The following RBFOX3 variants were observed in gnomAD, a reference collection of about 807,000 sequenced individuals.
The protein encoded by RBFOX3 is RNA binding fox-1 homolog 3.
RBFOX3 carries 17 observed loss-of-function variants against 48.7 expected under a neutral mutation model. The ratio of observed to expected loss-of-function variants is 0.35; its 90% CI spans 0.24 to 0.52. The LOEUF is 0.52. Among genes scored for constraint, RBFOX3 ranks in the 20% least tolerant of loss-of-function variants. The pLI, the probability that RBFOX3 is intolerant of heterozygous loss-of-function variation, is 0.94. For synonymous variants in RBFOX3, 212 were observed against 209.5 expected, an observed-to-expected ratio of 1.01 and a Z score of -0.10; for missense variants, 382 against 497.5, an observed-to-expected ratio of 0.77 and a Z score of 2.21.
At chr17:79,278,078 A>G (rs2069339271) in intron 3 of RBFOX3, among the ~76,000 whole-genome samples, 1 of 152,190 alleles carries the variant, frequency 6.6e-6, no homozygotes, top group South Asian at 2.1e-4. Context: ...AACATTTCAG[A>G]GGTGTGTGGT....
Position 79,603,783 on chromosome 17 carries a change from T to C in RBFOX3, c.-320+7043A>G, listed in dbSNP as rs1232514027. On this transcript the variant is annotated intron_variant, in intron 1 of 14. Coordinates refer to ENST00000693108, the MANE Select transcript of RBFOX3 (RefSeq NM_001350451.2). ...CACCACATCAGCGGCTTTACATAGA[T>C]CGCCTGATCCACGCAGCAGTCCCTG... 2.6e-5 allele frequency: 4 copies of C among 152,190 alleles called. 1 individual carries two copies. The highest frequency in any genetic ancestry group is 9.7e-5 in the African/African-American group (4 of 41,448). 9.4% of individuals were successfully genotyped at this position (152,190 alleles called of 1,614,324 possible). A position where few individuals can be genotyped will look rare whatever the true frequency, so the allele number is the denominator to read the frequency against.
At chr17:79,649,937 A>C in the RBFOX3 span, among the ~76,000 whole-genome samples, 5 of 152,068 alleles carry the variant, frequency 3.3e-5, no homozygotes, top group African/African-American at 1.2e-4. Flanking sequence ...ATCTCACAGT[A>C]ACTCACTCAC....
At chr17:79,582,898 G>A (rs2093124462) in intron 1 of RBFOX3, among the ~76,000 whole-genome samples, 1 of 151,812 alleles carries the variant, frequency 6.6e-6, no homozygotes, top group South Asian at 2.1e-4. Flanking sequence ...TCGTTCCTGA[G>A]GGCCTCGTTC....
At chr17:79,648,771 C>T in the RBFOX3 span, among the ~76,000 whole-genome samples, 2 of 152,258 alleles carry the variant, frequency 1.3e-5, no homozygotes, top group South Asian at 4.1e-4. Flanking sequence ...CCCAGCCTCC[C>T]TTGCAGGATG....
In RBFOX3 at chr17:79,130,064, G is replaced by A. The variant is rs528339672; in HGVS notation, c.-33-14316C>T. Among the ~76,000 whole-genome samples the A allele has an allele frequency of 1.6e-4, 25 of 152,264 alleles. No homozygotes were observed. The South Asian group carries it at 5.2e-3, about 32-fold the overall frequency. Reference sequence around the variant, plus strand: ...GGGGAAAGGCTCAGGAGGTGCCCAGGCCTGGAGCAGGAATGCACCTGAGTG... The same window carrying A: ...GGGGAAAGGCTCAGGAGGTGCCCAGACCTGGAGCAGGAATGCACCTGAGTG... On this transcript the variant is annotated intron_variant, in intron 4 of 14. Transcript: ENST00000693108.
At chr17:79,130,869 G>A (rs557936665) in intron 4 of RBFOX3, among the ~76,000 whole-genome samples, 47 of 152,398 alleles carry the variant, frequency 3.1e-4, no homozygotes, top group African/African-American at 9.4e-4. Flanking sequence ...CCTCAAAGCC[G>A]AAGCACAAAT....
chr17:79,253,319 T>C (rs1366227052), intron 3 of RBFOX3, among the ~76,000 whole-genome samples: 2 of 152,082 alleles, frequency 1.3e-5, no homozygotes, highest in Non-Finnish European at 2.9e-5. Context: ...TTTAATTATA[T>C]TCACTTAACA....
At chr17:79,356,239 A>G (rs2084955145) in intron 2 of RBFOX3, among the ~76,000 whole-genome samples, 1 of 149,512 alleles carries the variant, frequency 6.7e-6, no homozygotes, top group Admixed American at 6.6e-5. Flanking sequence ...ATACTTGCAG[A>G]CCCTCCTGCA....
chr17:79,171,021 C>G (rs145984841), intron 4 of RBFOX3, among the ~76,000 whole-genome samples: 72 of 152,338 alleles, frequency 4.7e-4, no homozygotes, highest in African/African-American at 1.6e-3. Flanking sequence ...CTGCCTAGGT[C>G]TCCGGTGGAG....
At chr17:79,504,626 C>T (rs1598970041) in intron 1 of RBFOX3, among the ~76,000 whole-genome samples, 1 of 152,318 alleles carries the variant, frequency 6.6e-6, no homozygotes, top group East Asian at 1.9e-4. Flanking sequence ...TCTGTGGTCA[C>T]ATGGCCTTCT....
At chr17:79,319,869 C>CT (rs1466454663) in intron 2 of RBFOX3, among the ~76,000 whole-genome samples, 1 of 38,490 alleles carries the variant, frequency 2.6e-5, no homozygotes, top group Non-Finnish European at 5.5e-5. Flanking sequence ...GGCTGCTGGT[C>CT]CTGTCTGGGC....
intron 1 of RBFOX3, among the ~76,000 whole-genome samples, chr17:79,581,325 C>T (rs968068237): frequency 2.6e-5 from 4 of 152,312 alleles, no homozygotes; most frequent in Middle Eastern, 3.4e-3. Context: ...CGGAAGCCTC[C>T]GGGCTTTTGC....
chr17:79,341,520 G>C (rs1466567564), intron 2 of RBFOX3, among the ~76,000 whole-genome samples: 4 of 152,186 alleles, frequency 2.6e-5, no homozygotes, highest in Non-Finnish European at 4.4e-5. Flanking sequence ...ACAGTGGCGG[G>C]TGTTGGAAGC....
At chr17:79,406,081 T>A (rs532871858) in intron 2 of RBFOX3, among the ~76,000 whole-genome samples, 1 of 152,346 alleles carries the variant, frequency 6.6e-6, no homozygotes, top group South Asian at 2.1e-4. Flanking sequence ...TATTTATCCA[T>A]CTCTCTGCTG....
intron 2 of RBFOX3, among the ~76,000 whole-genome samples, chr17:79,345,821 T>C (rs773820579): frequency 8.5e-5 from 13 of 152,232 alleles, no homozygotes; most frequent in Non-Finnish European, 1.6e-4. Context: ...AAAGCACTTA[T>C]TTTTTCTTAA....
At chr17:79,118,297 G>C (rs1176619191) in intron 4 of RBFOX3, among the ~76,000 whole-genome samples, 1 of 152,204 alleles carries the variant, frequency 6.6e-6, no homozygotes, top group East Asian at 1.9e-4. Context: ...TCAGCCACGG[G>C]AGGGAAGCAC....
rs1282059089 is a variant in RBFOX3 at position 79,610,898 on chromosome 17, G to C, written c.-392C>G. On this transcript the variant is annotated 5_prime_UTR_variant, in exon 1 of 15. Coordinates refer to ENST00000693108, the MANE Select transcript of RBFOX3 (RefSeq NM_001350451.2). ...CCCGGCTGCATCCCGGCCGCCGAGC[G>C]GGCAGCGGCGTCCTGGGGCCGCACA... 2.6e-5 allele frequency among the ~76,000 whole-genome samples: 4 copies of C among 151,500 alleles called. No homozygotes were observed. Among genetic ancestry groups the C allele is most frequent in the African/African-American group, 4.8e-5 (2 of 41,360 alleles).
Position 79,420,034 on chromosome 17 carries a change from G to C in RBFOX3, c.-175+62420C>G, listed in dbSNP as rs575641163. ...CCCAGCTACTCAGGAGGCTGAGGCA[G>C]GAGAATCGCTTGAACCTGGGAGGCG... On this transcript the variant is annotated intron_variant, in intron 2 of 14. Coordinates refer to ENST00000693108, the MANE Select transcript of RBFOX3 (RefSeq NM_001350451.2). Among the ~76,000 whole-genome samples the C allele has an allele frequency of 1.0e-3, 155 of 152,156 alleles. 1 individual carries two copies. Among genetic ancestry groups the C allele is most frequent in the African/African-American group, 3.5e-3 (147 of 41,504 alleles).
At chr17:79,217,564 G>T (rs2059213630) in intron 4 of RBFOX3, among the ~76,000 whole-genome samples, 2 of 152,190 alleles carry the variant, frequency 1.3e-5, no homozygotes. Context: ...GCAGAGGGGA[G>T]ATGGAGGGGT....
Sources: gnomAD v4.1 joint callset for allele counts (sites outside exome capture counted in the v4.1 genomes callset) on GRCh38, gnomAD v4.1.1 for gene constraint, MANE v1.5 for transcripts, NCBI Gene and HGNC (gene_info 2026-07-23, HGNC 2026-07-21) for gene names.